The following TRIM37 variants were observed in gnomAD, a reference collection of about 807,000 sequenced individuals.
TRIM37 encodes the protein tripartite motif containing 37.
A neutral mutation model predicts 129.8 loss-of-function variants in TRIM37; 80 were observed. The observed-to-expected ratio is 0.62, with a 90% CI of 0.51 to 0.74. The LOEUF is 0.74. Ranked by LOEUF, TRIM37 falls within the 30% of genes least tolerant of loss-of-function variation. TRIM37 has a pLI of 0.00. For synonymous variants in TRIM37, 389 were observed against 387.1 expected (o/e 1.00, Z -0.06); for missense variants, 1,054 against 1,176.5 (o/e 0.90, Z 1.52).
intron 2 of TRIM37, among the ~76,000 whole-genome samples, chr17:59,095,461 T>C (rs2044760924): frequency 6.6e-6 from 1 of 152,074 alleles, no homozygotes; most frequent in South Asian, 2.1e-4. Flanking sequence ...GAAGGGTAAG[T>C]AGATGGCAAG....
chr17:59,005,412 T>C (rs763833035), intron 22 of TRIM37, among the ~76,000 whole-genome samples: 3 of 152,136 alleles, frequency 2.0e-5, no homozygotes, highest in Admixed American at 6.5e-5. Context: ...GCCTCCCAAG[T>C]AGCTGGGATT....
intron 7 of TRIM37, among the ~76,000 whole-genome samples, chr17:59,078,063 T>C (rs1158414235): frequency 6.6e-6 from 1 of 151,484 alleles, no homozygotes. Context: ...AGGCGGAGGG[T>C]GCAATGAGCC....
downstream of TRIM37, among the ~76,000 whole-genome samples, chr17:58,995,148 A>C (rs2144256277): frequency 6.6e-6 from 1 of 152,220 alleles, no homozygotes; most frequent in East Asian, 1.9e-4. Flanking sequence ...TCCCAAGCTC[A>C]AGTGATCCTC....
intron 10 of TRIM37, among the ~76,000 whole-genome samples, chr17:59,062,880 G>GA (rs902791278): frequency 4.6e-5 from 7 of 151,472 alleles, no homozygotes; most frequent in African/African-American, 1.7e-4. Context: ...AGTTTCAGGG[G>GA]AAAAAAAACC....
chr17:59,071,581 G>A (rs773973050), intron 8 of TRIM37, among the ~76,000 whole-genome samples: 5 of 151,958 alleles, frequency 3.3e-5, no homozygotes, highest in East Asian at 1.9e-4. Flanking sequence ...CACCGTGCCC[G>A]ACCAAGGTGA....
At chr17:59,003,178 A>G (rs1198628370) in intron 22 of TRIM37, among the ~76,000 whole-genome samples, 1 of 152,222 alleles carries the variant, frequency 6.6e-6, no homozygotes, top group Non-Finnish European at 1.5e-5. Context: ...TGCCTGGCCA[A>G]TGCTAAAATT....
the TRIM37 span, among the ~76,000 whole-genome samples, chr17:58,967,548 A>T: frequency 1.6e-4 from 24 of 150,986 alleles, no homozygotes; most frequent in African/African-American, 5.8e-4. Flanking sequence ...AGAGGGAGGG[A>T]GGACTGGTTA....
chr17:59,032,690 A>G (rs989270347), intron 17 of TRIM37, among the ~76,000 whole-genome samples: 2 of 152,160 alleles, frequency 1.3e-5, no homozygotes, highest in Admixed American at 6.5e-5. Context: ...CGATGTGCAC[A>G]ATTGGGGGGA....
intron 24 of TRIM37, among the ~76,000 whole-genome samples, chr17:58,986,853 A>G (rs1428847421): frequency 6.6e-6 from 1 of 152,094 alleles, no homozygotes; most frequent in Non-Finnish European, 1.5e-5. Context: ...CACTTTTTCT[A>G]TTGTGCTTTA....
downstream of TRIM37, chr17:58,980,729 C>T: frequency 6.2e-7 from 1 of 1,614,158 alleles, no homozygotes; most frequent in Non-Finnish European, 8.5e-7. This position sits in a 1 kb window ranked among gnomAD's most constrained non-coding sequence, Gnocchi z 4.7. Context: ...GGAAAATGAA[C>T]AGTTCAAATC....
chr17:59,007,069 GCAGCAA>G lies in TRIM37; in HGVS notation c.2695+5253_2695+5258del, dbSNP rs2034577979. Among the ~76,000 whole-genome samples the G allele has an allele frequency of 2.6e-5, 4 of 151,390 alleles. 1 individual carries two copies. ...TGTTCTGACTCTGATGTCTAGAACT[GCAGCAA>G]ACATCTTACCGCCCTGAGAAGAGCT... On this transcript the variant is annotated intron_variant, in intron 22 of 23. Coordinates refer to ENST00000262294, the MANE Select transcript of TRIM37 (RefSeq NM_015294.6).
chr17:59,038,682 G>T (rs2038820781), intron 17 of TRIM37, among the ~76,000 whole-genome samples: 1 of 152,162 alleles, frequency 6.6e-6, no homozygotes, highest in South Asian at 2.1e-4. Flanking sequence ...CACAGTTTAA[G>T]AGAGGAAAGA....
intron 5 of TRIM37, among the ~76,000 whole-genome samples, chr17:59,081,946 AAAAAAAT>A (rs1416593334): frequency 2.6e-4 from 33 of 124,634 alleles, no homozygotes; most frequent in African/African-American, 5.4e-4. Flanking sequence ...CCAAAAAAAA[AAAAAAAT>A]AAAAAAAAAA....
At chr17:59,011,429 G>A (rs62084370) in intron 22 of TRIM37, among the ~76,000 whole-genome samples, 3,961 of 152,306 alleles carry the variant, frequency 0.026, 69 homozygotes, top group Non-Finnish European at 0.043. Flanking sequence ...GGGCAGCTGA[G>A]TAGATGCTGG....
In TRIM37 at chr17:59,004,741, T is replaced by A. The variant is rs116898598; in HGVS notation, c.2696-3027A>T. ...CTACCAAAGGTTACTCAAGGAAAAATCGATGGGTATTTTAACTCTTAAAGA... is the reference window on the plus strand; with the variant it reads ...CTACCAAAGGTTACTCAAGGAAAAAACGATGGGTATTTTAACTCTTAAAGA... On this transcript the variant is annotated intron_variant, in intron 22 of 23. Transcript: ENST00000262294. Among the ~76,000 whole-genome samples, 96 of 152,224 alleles carry A rather than the reference T, an allele frequency of 6.3e-4. No homozygotes were observed. In the East Asian group the frequency reaches 0.013, roughly 21 times the overall value.
At position 59,100,803 on chromosome 17, in the gene TRIM37, A is replaced by G. The variant is rs568017354; in HGVS notation, c.123+3490T>C. ...TTTGGGAGGCTGAGGTGGGTGGATC[A>G]CCTGAGGTCAGGAGTTTGAGACCAA... On this transcript the variant is annotated intron_variant, in intron 2 of 23. Transcript: ENST00000262294. Among the ~76,000 whole-genome samples the G allele has an allele frequency of 2.0e-5, 3 of 152,278 alleles. No individual in the cohort carries two copies. The South Asian group carries it at 6.2e-4, about 32-fold the overall frequency.
Position 59,051,300 on chromosome 17 carries a change from G to T in TRIM37, c.1228C>A (p.Gln410Lys). The part of the protein sequence containing the change: ...RFQVRSPTFF[Q>K]KSRDQHWYIT... ...TACCAATGCTGGTCCCGGGATTTTT[G>T]AAAGAAAGTTGGTGAACGTACCTGA... The change falls in exon 14 of 24, where the codon CAA becomes AAA. Residue 410 changes from glutamine (Q) to lysine (K), a missense_variant. Coordinates refer to ENST00000262294, the MANE Select transcript of TRIM37 (RefSeq NM_015294.6). 2 of 1,613,630 alleles carry T rather than the reference G, an allele frequency of 1.2e-6. No homozygotes were observed. Among genetic ancestry groups the T allele is most frequent in the South Asian group, 1.1e-5 (1 of 91,066 alleles).
intron 2 of TRIM37, among the ~76,000 whole-genome samples, chr17:59,093,162 A>AAAAAT (rs2044552656): frequency 6.6e-6 from 1 of 151,774 alleles, no homozygotes; most frequent in Non-Finnish European, 1.5e-5. Context: ...AAAATAAAAT[A>AAAAAT]AAAATAAAAT....
At chr17:58,975,518 T>G in the TRIM37 span, among the ~76,000 whole-genome samples, 2 of 152,184 alleles carry the variant, frequency 1.3e-5, no homozygotes, top group African/African-American at 4.8e-5. Flanking sequence ...TAAGGGAGAC[T>G]TCATACATAG....
Sources: allele counts gnomAD v4.1 joint callset (sites outside exome capture counted in the v4.1 genomes callset), GRCh38; gene constraint gnomAD v4.1.1; non-coding constraint Gnocchi (gnomAD v3.1); transcripts MANE v1.5; gene names NCBI Gene and HGNC (gene_info 2026-07-23, HGNC 2026-07-21).